The following HDAC4 variants were observed in gnomAD, a reference collection of about 807,000 sequenced individuals.
The protein encoded by HDAC4 is histone deacetylase A.
In HDAC4, 16 loss-of-function variants were observed where a neutral mutation model predicts 135.1. The ratio of observed to expected loss-of-function variants is 0.12; its 90% CI spans 0.08 to 0.18. The LOEUF is 0.18. Ranked by LOEUF, HDAC4 falls within the 10% of genes least tolerant of loss-of-function variation. The pLI is 1.00. For missense variants in HDAC4, 1,143 were observed against 1,511.8 expected (o/e 0.76, Z 4.05); for synonymous variants, 685 against 653.4 (o/e 1.05, Z -0.74).
intron 2 of HDAC4, among the ~76,000 whole-genome samples, chr2:239,297,207 A>G (rs547945814): frequency 6.6e-6 from 1 of 152,168 alleles, no homozygotes; most frequent in Non-Finnish European, 1.5e-5. Flanking sequence ...AAGGTGCCTG[A>G]GCCCCCAACC....
Position 239,290,397 on chromosome 2 carries a change from A to C in HDAC4, c.23-53733T>G, listed in dbSNP as rs1197284105. On this transcript the variant is annotated intron_variant, in intron 2 of 26. Coordinates refer to ENST00000543185, the MANE Select transcript of HDAC4 (RefSeq NM_001378414.1). ...CAATGGCGTGAGGATGTCCAGCACC[A>C]ATGAGTGGCCCATTTTATGTGGCTG... Among the ~76,000 whole-genome samples the C allele has an allele frequency of 3.9e-5, 6 of 152,332 alleles. No homozygotes were observed. The East Asian group carries it at 9.6e-4, about 24-fold the overall frequency.
At chr2:239,133,796 T>C (rs1165280549) in intron 11 of HDAC4, among the ~76,000 whole-genome samples, 1 of 152,230 alleles carries the variant, frequency 6.6e-6, no homozygotes, top group African/African-American at 2.4e-5. Flanking sequence ...AGTGACACTT[T>C]CACATTGCTG....
intron 2 of HDAC4, among the ~76,000 whole-genome samples, chr2:239,292,933 G>T (rs768019101): frequency 6.6e-6 from 1 of 152,148 alleles, no homozygotes; most frequent in South Asian, 2.1e-4. Flanking sequence ...GAACATTTCC[G>T]ATTTGAAGTT....
chr2:239,177,797 C>A (rs372689268), intron 4 of HDAC4, among the ~76,000 whole-genome samples: 1 of 152,178 alleles, frequency 6.6e-6, no homozygotes, highest in Non-Finnish European at 1.5e-5. Flanking sequence ...GAACAAGATG[C>A]ACAGAAGAAC....
At chr2:239,371,579 CCA>C (rs927063605) in intron 1 of HDAC4, among the ~76,000 whole-genome samples, 22 of 151,844 alleles carry the variant, frequency 1.4e-4, no homozygotes, top group African/African-American at 3.9e-4. Flanking sequence ...TGTAACACAC[CCA>C]CAGACATTCA....
chr2:239,213,543 A>G (rs1403949747), intron 3 of HDAC4, among the ~76,000 whole-genome samples: 4 of 152,170 alleles, frequency 2.6e-5, no homozygotes, highest in Non-Finnish European at 4.4e-5. Context: ...TCTATTGTCT[A>G]TCCCCAAAAG....
At chr2:239,223,320 C>T (rs1276515153) in intron 3 of HDAC4, among the ~76,000 whole-genome samples, 1 of 152,234 alleles carries the variant, frequency 6.6e-6, no homozygotes, top group Non-Finnish European at 1.5e-5. Flanking sequence ...GCCCCTCTCT[C>T]TGGGGCGAGC....
chr2:239,060,769 C>A lies in HDAC4; in HGVS notation c.3004-5936G>T, dbSNP rs562451802. Among the ~76,000 whole-genome samples, 6 of 152,384 alleles carry A rather than the reference C, an allele frequency of 3.9e-5. No individual in the cohort carries two copies. In the East Asian group the frequency reaches 9.6e-4, roughly 24 times the overall value. On this transcript the variant is annotated intron_variant, in intron 24 of 26. Coordinates refer to ENST00000543185, the MANE Select transcript of HDAC4 (RefSeq NM_001378414.1). The stretch of plus-strand genomic sequence containing the variant: ...ATTGGGGACTTGCCCGGAAGTTCAG[C>A]GTAACTCTGTCTGTCACAAGCAAAC...
intron 2 of HDAC4, among the ~76,000 whole-genome samples, chr2:239,247,741 C>T (rs959740875): frequency 4.6e-5 from 7 of 152,118 alleles, no homozygotes; most frequent in Non-Finnish European, 1.0e-4. Context: ...TAATTTAGAA[C>T]AATAAACTCA....
intron 4 of HDAC4, among the ~76,000 whole-genome samples, chr2:239,185,463 T>C (rs2153031769): frequency 6.6e-6 from 1 of 151,696 alleles, no homozygotes; most frequent in African/African-American, 2.4e-5. Flanking sequence ...CCGTGCCTCC[T>C]GGGGAGAGAT....
At chr2:239,351,158 C>T (rs1000647207) in intron 2 of HDAC4, among the ~76,000 whole-genome samples, 3 of 152,148 alleles carry the variant, frequency 2.0e-5, no homozygotes, top group Non-Finnish European at 4.4e-5. Flanking sequence ...GCTCACTGAC[C>T]CAGCTTCCAC....
intron 18 of HDAC4, 131 bp from the exon 19 acceptor site, chr2:239,087,745 C>A (rs1420786456): frequency 1.2e-6 from 1 of 840,666 alleles, no homozygotes; most frequent in African/African-American, 1.7e-5. Context: ...TGCACCCTGG[C>A]CACAGTGATG....
At chr2:239,233,457 CG>C (rs1428914626) in intron 3 of HDAC4, among the ~76,000 whole-genome samples, 248 of 142,986 alleles carry the variant, frequency 1.7e-3, no homozygotes, top group African/African-American at 6.3e-3. Context: ...TTCCAAAATC[CG>C]AAAAAAAAAA....
chr2:239,066,351 A>T (rs1417664956), intron 24 of HDAC4, among the ~76,000 whole-genome samples: 1 of 152,222 alleles, frequency 6.6e-6, no homozygotes. Flanking sequence ...TCCCTAGAGA[A>T]GCTGACTGTC....
intron 2 of HDAC4, among the ~76,000 whole-genome samples, chr2:239,252,404 G>A (rs62188581): frequency 0.13 from 20,446 of 152,270 alleles, 1,574 homozygotes; most frequent in Non-Finnish European, 0.17. Flanking sequence ...CATGGCCCAC[G>A]CCACCATGGA....
rs890675780 is a variant in HDAC4, at chr2:239,191,932, G to A, written c.95-1855C>T. Among the ~76,000 whole-genome samples the A allele has an allele frequency of 5.3e-5, 8 of 152,334 alleles. No individual in the cohort carries two copies. In the South Asian group the frequency reaches 1.0e-3, roughly 20 times the overall value. On this transcript the variant is annotated intron_variant, in intron 3 of 26. Coordinates refer to ENST00000543185, the MANE Select transcript of HDAC4 (RefSeq NM_001378414.1). ...CTGATCACATTCCACAGCGCAGCACGGGCTGCCTCGTTGTTATTGTTGTTT... is the reference window on the plus strand; with the variant it reads ...CTGATCACATTCCACAGCGCAGCACAGGCTGCCTCGTTGTTATTGTTGTTT...
chr2:239,316,147 T>G (rs1017407292), intron 2 of HDAC4, among the ~76,000 whole-genome samples: 10 of 152,174 alleles, frequency 6.6e-5, no homozygotes, highest in East Asian at 1.9e-4. Flanking sequence ...AGTAATACAC[T>G]CCACTCCAAA....
Position 239,313,510 on chromosome 2 carries a change from C to A in HDAC4, c.22+39168G>T, listed in dbSNP as rs376559756. Among the ~76,000 whole-genome samples, 54 of 152,272 alleles carry A rather than the reference C, an allele frequency of 3.5e-4. 1 individual carries two copies. Among genetic ancestry groups the A allele is most frequent in the African/African-American group, 1.2e-3 (48 of 41,546 alleles). ...ATACCGCAGGCTGGACTCTTCCTAA[C>A]CTCACGAGAGGTGATGACCGGAATC... On this transcript the variant is annotated intron_variant, in intron 2 of 26. Coordinates refer to ENST00000543185, the MANE Select transcript of HDAC4 (RefSeq NM_001378414.1). This position sits in a 1 kb window ranked among gnomAD's most constrained non-coding sequence, Gnocchi z 5.1.
At chr2:239,063,395 G>A (rs866960670) in intron 24 of HDAC4, among the ~76,000 whole-genome samples, 8 of 151,928 alleles carry the variant, frequency 5.3e-5, no homozygotes, top group East Asian at 1.9e-4. Context: ...TAGTAGAGAC[G>A]GGGTTTCACC....
Sources: allele counts gnomAD v4.1 joint callset (sites outside exome capture counted in the v4.1 genomes callset), GRCh38; gene constraint gnomAD v4.1.1; non-coding constraint Gnocchi (gnomAD v3.1); transcripts MANE v1.5; gene names NCBI Gene and HGNC (gene_info 2026-07-23, HGNC 2026-07-21).